Variants in BCL2 observed in about 807,000 individuals in gnomAD.
BCL2 encodes the protein apoptosis regulator Bcl-2.
In BCL2, 1 loss-of-function variant was observed where a neutral mutation model predicts 14.2. The ratio of observed to expected loss-of-function variants is 0.07; its 90% CI spans 0.02 to 0.33. The LOEUF (loss-of-function observed/expected upper bound fraction) is 0.33. Among genes scored for constraint, BCL2 ranks in the 10% least tolerant of loss-of-function variants. The probability of loss-of-function intolerance (pLI) is 0.99; values close to 1 mark genes in which losing one functional copy is unlikely to be tolerated. For missense variants in BCL2, 247 were observed against 305.9 expected, an observed-to-expected ratio of 0.81 and a Z score of 1.44; for synonymous variants, 151 against 137.2, an observed-to-expected ratio of 1.10 and a Z score of -0.70.
intron 2 of BCL2, among the ~76,000 whole-genome samples, chr18:63,189,887 AGTT>A (rs1330341224): frequency 6.6e-6 from 1 of 152,160 alleles, no homozygotes; most frequent in Admixed American, 6.5e-5. Flanking sequence ...TGTTCAGTAT[AGTT>A]GTGGTGTCAA....
intron 2 of BCL2, among the ~76,000 whole-genome samples, chr18:63,272,072 G>A (rs1599282504): frequency 6.6e-6 from 1 of 152,192 alleles, no homozygotes; most frequent in Non-Finnish European, 1.5e-5. Flanking sequence ...AGTGCCACAA[G>A]CAATCAAGTC....
intron 2 of BCL2, among the ~76,000 whole-genome samples, chr18:63,272,604 T>C (rs541721842): frequency 2.8e-4 from 43 of 152,334 alleles, no homozygotes; most frequent in African/African-American, 9.9e-4. Flanking sequence ...AGGTTATCTT[T>C]AGCTATATCA....
chr18:63,302,419 G>T, intron 2 of BCL2: 2 of 985,278 alleles, frequency 2.0e-6, no homozygotes, highest in Non-Finnish European at 2.4e-6. Flanking sequence ...ACTCTGTCTT[G>T]CTTAATGAAA....
intron 2 of BCL2, among the ~76,000 whole-genome samples, chr18:63,303,744 T>C (rs1003914397): frequency 6.6e-6 from 1 of 152,192 alleles, no homozygotes; most frequent in African/African-American, 2.4e-5. Flanking sequence ...GTCTGGCACA[T>C]ATTGGGGTTC....
intron 2 of BCL2, among the ~76,000 whole-genome samples, chr18:63,230,670 A>C (rs1266618058): frequency 6.6e-6 from 1 of 152,144 alleles, no homozygotes; most frequent in East Asian, 1.9e-4. Context: ...ATTTTAAAGC[A>C]TGAGAATTCT....
chr18:63,213,096 C>CGATT (rs1910092110), intron 2 of BCL2, among the ~76,000 whole-genome samples: 1 of 152,136 alleles, frequency 6.6e-6, no homozygotes. Flanking sequence ...GCAGGTAGGC[C>CGATT]GATTCCTGCT....
chr18:63,235,665 G>A (rs149344962), intron 2 of BCL2, among the ~76,000 whole-genome samples: 219 of 151,782 alleles, frequency 1.4e-3, no homozygotes, highest in African/African-American at 4.7e-3. Context: ...AGGAAAAAGC[G>A]GGTGGAAATG....
intron 2 of BCL2, among the ~76,000 whole-genome samples, chr18:63,222,273 C>CA (rs35852603): frequency 0.3 from 25,251 of 82,792 alleles, 2,961 homozygotes; most frequent in Middle Eastern, 0.37. Flanking sequence ...GACTCCACCT[C>CA]AAAAAAAAAA....
At chr18:63,215,864 A>G (rs1450840293) in intron 2 of BCL2, among the ~76,000 whole-genome samples, 2 of 152,140 alleles carry the variant, frequency 1.3e-5, no homozygotes, top group Non-Finnish European at 1.5e-5. Flanking sequence ...TTTTTACTTT[A>G]TTTTCCTTAT....
At chr18:63,301,330 C>G (rs912106104) in intron 2 of BCL2, among the ~76,000 whole-genome samples, 5 of 152,118 alleles carry the variant, frequency 3.3e-5, no homozygotes, top group Non-Finnish European at 7.4e-5. Flanking sequence ...GTTTATGTAA[C>G]AAAGTAAATG....
At chr18:63,144,639 C>T (rs1055343428) in intron 2 of BCL2, among the ~76,000 whole-genome samples, 7 of 152,004 alleles carry the variant, frequency 4.6e-5, no homozygotes, top group South Asian at 2.1e-4. Flanking sequence ...GGCTGGAAGG[C>T]GGACAGAAAG....
chr18:63,311,215 T>G (rs1475296731), intron 2 of BCL2, among the ~76,000 whole-genome samples: 2 of 152,216 alleles, frequency 1.3e-5, no homozygotes, highest in East Asian at 3.8e-4. Flanking sequence ...AATATTTGGC[T>G]GCAATTCAAT....
chr18:63,269,255 C>T (rs1018926044), intron 2 of BCL2, among the ~76,000 whole-genome samples: 6 of 152,036 alleles, frequency 3.9e-5, no homozygotes, highest in African/African-American at 1.2e-4. Context: ...TGCTTTGGCC[C>T]ATTGGTCTTT....
chr18:63,134,359 T>C (rs1282607601), intron 2 of BCL2, among the ~76,000 whole-genome samples: 3 of 152,110 alleles, frequency 2.0e-5, no homozygotes, highest in Non-Finnish European at 4.4e-5. Context: ...TGATGTCTAG[T>C]AGTGGGGAGA....
chr18:63,274,817 T>C (rs775922173), intron 2 of BCL2, among the ~76,000 whole-genome samples: 1 of 152,186 alleles, frequency 6.6e-6, no homozygotes, highest in Non-Finnish European at 1.5e-5. Flanking sequence ...TTTGGTTGAA[T>C]CCAAGTATTC....
chr18:63,289,492 G>A (rs779944580), intron 2 of BCL2, among the ~76,000 whole-genome samples: 3 of 152,184 alleles, frequency 2.0e-5, no homozygotes, highest in Non-Finnish European at 2.9e-5. Context: ...ATCTTGCTAA[G>A]GAGTAGCAGG....
chr18:63,268,366 C>A (rs1911899035), intron 2 of BCL2, among the ~76,000 whole-genome samples: 1 of 152,218 alleles, frequency 6.6e-6, no homozygotes, highest in African/African-American at 2.4e-5. Context: ...GGCATACATT[C>A]TTCCACTACA....
chr18:63,288,209 C>T (rs754083616), intron 2 of BCL2, among the ~76,000 whole-genome samples: 5 of 152,166 alleles, frequency 3.3e-5, no homozygotes, highest in African/African-American at 4.8e-5. Flanking sequence ...ATACAGATCC[C>T]TACATGAAGA....
At chr18:63,289,810 C>T (rs1166072900) in intron 2 of BCL2, among the ~76,000 whole-genome samples, 1 of 152,154 alleles carries the variant, frequency 6.6e-6, no homozygotes, top group East Asian at 1.9e-4. Context: ...AGGAGAATCA[C>T]TTGAGCCTGG....
Sources: allele counts gnomAD v4.1 joint callset (sites outside exome capture counted in the v4.1 genomes callset), GRCh38; gene constraint gnomAD v4.1.1; transcripts MANE v1.5; gene names NCBI Gene and HGNC (gene_info 2026-07-23, HGNC 2026-07-21).